Variants in ZBTB20 observed in about 807,000 individuals in gnomAD.
ZBTB20 encodes the protein zinc finger and BTB domain-containing protein 20.
A neutral mutation model predicts 56.9 loss-of-function variants in ZBTB20; 9 were observed. The ratio of observed to expected loss-of-function variants is 0.16; its 90% CI spans 0.10 to 0.28. The LOEUF is 0.28. Ranked by LOEUF, ZBTB20 falls within the 10% of genes least tolerant of loss-of-function variation. ZBTB20 has a pLI of 1.00. For synonymous variants in ZBTB20, 417 were observed against 420.7 expected (o/e 0.99, Z 0.11); for missense variants, 655 against 1,003.0 (o/e 0.65, Z 4.69).
chr3:114,989,456 T>A (rs1411016047), intron 2 of ZBTB20, among the ~76,000 whole-genome samples: 1 of 152,206 alleles, frequency 6.6e-6, no homozygotes, highest in Non-Finnish European at 1.5e-5. Context: ...GTTCCATTGC[T>A]CTATCTCTCT....
intron 7 of ZBTB20, among the ~76,000 whole-genome samples, chr3:114,495,460 C>A (rs1221768691): frequency 6.7e-6 from 1 of 148,886 alleles, no homozygotes; most frequent in East Asian, 1.9e-4. Flanking sequence ...TATACACACA[C>A]ACACACACAC....
intron 6 of ZBTB20, among the ~76,000 whole-genome samples, chr3:114,523,630 AC>A (rs2046890834): frequency 1.3e-5 from 2 of 152,214 alleles, no homozygotes; most frequent in South Asian, 4.1e-4. Context: ...AGCCAAGGGT[AC>A]ACAGAGTTTA....
intron 4 of ZBTB20, among the ~76,000 whole-genome samples, chr3:114,813,546 T>C (rs2072706242): frequency 6.6e-6 from 1 of 151,944 alleles, no homozygotes. Context: ...AGTCCAGGAG[T>C]TTGAGACCAG....
Position 114,433,894 on chromosome 3 carries a change from T to C in ZBTB20, c.-254-44789A>G, listed in dbSNP as rs544667354. On this transcript the variant is annotated intron_variant, in intron 7 of 11. Transcript: ENST00000675478. The stretch of plus-strand genomic sequence containing the variant: ...GGATCTGTACAACTTTAAGTCAACT[T>C]ACAATTGATGTGCATTAGGGGATTG... 7.2e-5 allele frequency among the ~76,000 whole-genome samples: 11 copies of C among 152,298 alleles called. No individual in the cohort carries two copies. The East Asian group carries it at 2.1e-3, about 29-fold the overall frequency.
intron 2 of ZBTB20, among the ~76,000 whole-genome samples, chr3:115,012,849 TG>T (rs1408156064): frequency 2.0e-5 from 3 of 151,782 alleles, no homozygotes; most frequent in Admixed American, 1.3e-4. Flanking sequence ...TTCAAAAAAT[TG>T]AAATATTATC....
At chr3:114,684,269 AC>A (rs1276800292) in intron 6 of ZBTB20, among the ~76,000 whole-genome samples, 1 of 152,108 alleles carries the variant, frequency 6.6e-6, no homozygotes, top group Non-Finnish European at 1.5e-5. Flanking sequence ...TAGTTGAACG[AC>A]TTTAGGGAGC....
At chr3:114,884,667 A>G (rs1018090318) in intron 4 of ZBTB20, among the ~76,000 whole-genome samples, 3 of 152,216 alleles carry the variant, frequency 2.0e-5, no homozygotes, top group African/African-American at 7.2e-5. Context: ...AATGAGAAAA[A>G]TAGACATCCT....
At chr3:114,658,213 A>G (rs1333831583) in intron 6 of ZBTB20, 1 of 152,144 alleles carries the variant, frequency 6.6e-6, no homozygotes, top group Non-Finnish European at 1.5e-5. Flanking sequence ...ACCTTAATGA[A>G]CTTGCTTGGG....
intron 6 of ZBTB20, among the ~76,000 whole-genome samples, chr3:114,651,647 A>G (rs371352743): frequency 2.6e-5 from 4 of 151,974 alleles, no homozygotes; most frequent in South Asian, 2.1e-4. Flanking sequence ...AATATGCAAC[A>G]AAACAAAAAG....
rs572788409 is a variant in ZBTB20 at position 114,384,519 on chromosome 3, G to A, written c.-153-3579C>T. On this transcript the variant is annotated intron_variant, in intron 8 of 11. Coordinates refer to ENST00000675478, the MANE Select transcript of ZBTB20 (RefSeq NM_001348800.3). ...TGGCCGCAGGCACCCGCCTTTCAACGGTCAGTTCTGACATTCTGACTGAAC... is the reference window on the plus strand; with the variant it reads ...TGGCCGCAGGCACCCGCCTTTCAACAGTCAGTTCTGACATTCTGACTGAAC... Among the ~76,000 whole-genome samples, 5 of 151,150 alleles carry A rather than the reference G, an allele frequency of 3.3e-5. No homozygotes were observed. The East Asian group carries it at 9.7e-4, about 29-fold the overall frequency.
At chr3:114,386,295 G>A (rs1576525498) in intron 8 of ZBTB20, among the ~76,000 whole-genome samples, 2 of 151,992 alleles carry the variant, frequency 1.3e-5, no homozygotes, top group East Asian at 3.9e-4. Flanking sequence ...ACCTTGGCAG[G>A]GCTGATTTAT....
Position 114,501,750 on chromosome 3 carries a change from C to A in ZBTB20, c.-294-1359G>T, listed in dbSNP as rs1176054475. 2.1e-5 allele frequency among the ~76,000 whole-genome samples: 3 copies of A among 145,458 alleles called. No individual in the cohort carries two copies. The East Asian group carries it at 6.1e-4, about 29-fold the overall frequency. ...TTGAGATGAACTCTCCCTCTGTCAC[C>A]CAGGCTGGAGTGCAGTGGCACGATC... On this transcript the variant is annotated intron_variant, in intron 6 of 11. Coordinates refer to ENST00000675478, the MANE Select transcript of ZBTB20 (RefSeq NM_001348800.3).
intron 6 of ZBTB20, among the ~76,000 whole-genome samples, chr3:114,567,696 G>A (rs2052945882): frequency 6.6e-6 from 1 of 151,522 alleles, no homozygotes. Flanking sequence ...AAACCCCCTC[G>A]CTTGCCTCCC....
intron 5 of ZBTB20, among the ~76,000 whole-genome samples, chr3:114,762,845 T>C (rs1464257687): frequency 6.6e-5 from 10 of 152,166 alleles, no homozygotes; most frequent in Non-Finnish European, 1.5e-5. Flanking sequence ...TTAGTAAAAT[T>C]TTAGCCTGTT....
intron 2 of ZBTB20, among the ~76,000 whole-genome samples, chr3:115,030,798 G>A (rs985530575): frequency 3.3e-5 from 5 of 151,080 alleles, no homozygotes; most frequent in Non-Finnish European, 7.4e-5. Context: ...TACAAACCGT[G>A]TCCCACAATT....
chr3:114,455,508 T>G (rs559646695), intron 7 of ZBTB20, among the ~76,000 whole-genome samples: 2 of 152,134 alleles, frequency 1.3e-5, no homozygotes, highest in Non-Finnish European at 2.9e-5. Context: ...TTAGGGGTTT[T>G]CGTGTAATGT....
At chr3:114,382,260 C>A (rs1381742913) in intron 8 of ZBTB20, among the ~76,000 whole-genome samples, 3 of 152,164 alleles carry the variant, frequency 2.0e-5, no homozygotes, top group African/African-American at 4.8e-5. Flanking sequence ...TTTTATCTAG[C>A]TGATTGTTTA....
intron 2 of ZBTB20, among the ~76,000 whole-genome samples, chr3:115,061,867 C>G (rs1478473975): frequency 6.6e-6 from 1 of 152,092 alleles, no homozygotes; most frequent in Non-Finnish European, 1.5e-5. Flanking sequence ...GTGATTATAT[C>G]TGAGTATATC....
intron 5 of ZBTB20, among the ~76,000 whole-genome samples, chr3:114,732,145 A>T (rs1456577536): frequency 6.6e-6 from 1 of 152,174 alleles, no homozygotes; most frequent in Non-Finnish European, 1.5e-5. Context: ...ACTAACAGCA[A>T]GTAGTTGCAT....
Sources: gnomAD v4.1 joint callset for allele counts (sites outside exome capture counted in the v4.1 genomes callset) on GRCh38, gnomAD v4.1.1 for gene constraint, MANE v1.5 for transcripts, NCBI Gene and HGNC (gene_info 2026-07-23, HGNC 2026-07-21) for gene names.